The following HELLS variants were observed in gnomAD, a reference collection of about 807,000 sequenced individuals.
HELLS encodes lymphoid-specific helicase.
A neutral mutation model predicts 120.0 loss-of-function variants in HELLS; 32 were observed. The ratio of observed to expected loss-of-function variants is 0.27; its 90% CI spans 0.20 to 0.36. The LOEUF (loss-of-function observed/expected upper bound fraction) is 0.36. Ranked by LOEUF, HELLS falls within the 10% of genes least tolerant of loss-of-function variation. HELLS has a pLI of 1.00. For synonymous variants in HELLS, 341 were observed against 323.4 expected, an observed-to-expected ratio of 1.05 and a Z score of -0.58; for missense variants, 650 against 993.4, an observed-to-expected ratio of 0.65 and a Z score of 4.65.
intron 3 of HELLS, among the ~76,000 whole-genome samples, chr10:94,555,455 A>C (rs572585702): frequency 6.6e-6 from 1 of 152,278 alleles, no homozygotes; most frequent in Admixed American, 6.5e-5. Flanking sequence ...ATAAATAAAA[A>C]AAACCCCAAA....
At chr10:94,580,873 A>G (rs1554832875) in intron 10 of HELLS, among the ~76,000 whole-genome samples, 1 of 152,208 alleles carries the variant, frequency 6.6e-6, no homozygotes, top group Non-Finnish European at 1.5e-5. Context: ...ACTTTATGAA[A>G]GTGAGTGGGT....
At chr10:94,611,157 CT>C (rs1208348581) in exon 10 of HELLS, 1 of 152,118 alleles carries the variant, frequency 6.6e-6, no homozygotes, top group Non-Finnish European at 1.5e-5. Context: ...TTTTTGTACT[CT>C]TAGTTTTATA....
chr10:94,576,630 A>T, intron 9 of HELLS, 32 bp from the exon 10 acceptor site: 1 of 1,291,976 alleles, frequency 7.7e-7, no homozygotes. Context: ...TTTGTTCTTA[A>T]GTCTGATAAA....
chr10:94,586,343 G>A (rs888832205), intron 12 of HELLS, among the ~76,000 whole-genome samples: 2 of 152,028 alleles, frequency 1.3e-5, no homozygotes, highest in Non-Finnish European at 2.9e-5. Context: ...GGATGGTCTC[G>A]ATCTCCTGAC....
intron 8 of HELLS, among the ~76,000 whole-genome samples, chr10:94,607,733 T>C (rs1006172839): frequency 6.6e-6 from 1 of 152,118 alleles, no homozygotes; most frequent in African/African-American, 2.4e-5. Context: ...TTTTTTTGTC[T>C]TGTTTTTTTG....
At chr10:94,605,072 T>TCTC (rs1846113438), downstream of HELLS, among the ~76,000 whole-genome samples, 4 of 66,822 alleles carry the variant, frequency 6.0e-5, no homozygotes, top group African/African-American at 7.6e-5. Flanking sequence ...GTCTTGTGTC[T>TCTC]CCCCCCCCCC....
At chr10:94,581,241 T>A (rs1231817343) in intron 10 of HELLS, 85 bp from the exon 11 acceptor site, 3 of 746,762 alleles carry the variant, frequency 4.0e-6, no homozygotes, top group Non-Finnish European at 6.4e-6. Context: ...CCATCCCTCA[T>A]AATAGAGGTT....
chr10:94,550,333 C>T (rs2134272968), intron 2 of HELLS, among the ~76,000 whole-genome samples: 1 of 152,126 alleles, frequency 6.6e-6, no homozygotes, highest in African/African-American at 2.4e-5. Context: ...GGCTGGAGTG[C>T]AGTGGCGTGA....
chr10:94,581,469 A>G lies in HELLS; in HGVS notation c.1176A>G (p.Glu392=). ...CTCCCTTGCAAAACAATTTATCAGAACTTTGGTCATTGCTAAACTTTTTGT... is the reference window on the plus strand; with the variant it reads ...CTCCCTTGCAAAACAATTTATCAGAGCTTTGGTCATTGCTAAACTTTTTGT... ...TGTPLQNNLS[E]LWSLLNFLLP... The change falls in exon 11 of 22, where the codon GAA becomes GAG. Residue 392 remains glutamate, a synonymous_variant. Coordinates refer to ENST00000348459, the MANE Select transcript of HELLS (RefSeq NM_018063.5). 6.2e-7 allele frequency: 1 copy of G among 1,612,342 alleles called. No homozygotes were observed. Among genetic ancestry groups the G allele is most frequent in the Non-Finnish European group, 8.5e-7 (1 of 1,179,450 alleles).
At chr10:94,563,768 G>A (rs1355398026) in intron 6 of HELLS, among the ~76,000 whole-genome samples, 1 of 151,404 alleles carries the variant, frequency 6.6e-6, no homozygotes, top group Non-Finnish European at 1.5e-5. Context: ...GAGAGTACAA[G>A]TGTGAGCCAG....
At chr10:94,554,442 T>C (rs958073430) in intron 3 of HELLS, among the ~76,000 whole-genome samples, 194 bp downstream of exon 3, 3 of 152,150 alleles carry the variant, frequency 2.0e-5, no homozygotes, top group Non-Finnish European at 4.4e-5. Context: ...CTCCAAAAAA[T>C]TGTCTTGTGC....
Position 94,592,814 on chromosome 10 carries a change from T to C in HELLS, c.1971+300T>C, listed in dbSNP as rs576158486. ...TTGCCCTGTCCTCAACTTTCTATTA[T>C]GAAAATATCAACTATATGGCAAAGT... On this transcript the variant is annotated intron_variant, in intron 17 of 21. Transcript: ENST00000348459. Among the ~76,000 whole-genome samples the C allele has an allele frequency of 2.0e-4, 30 of 151,936 alleles. No individual in the cohort carries two copies. In the South Asian group the frequency reaches 6.0e-3, roughly 31 times the overall value.
At chr10:94,596,978 GATTTA>G in intron 20 of HELLS, 22 bp downstream of exon 20, 1 of 1,462,178 alleles carries the variant, frequency 6.8e-7, no homozygotes, top group South Asian at 1.2e-5. Context: ...ATTTTAGAAA[GATTTA>G]ATTTGTAGCT....
In HELLS at chr10:94,580,140, TATATATATATATATATATATATACAC is replaced by T. The variant is rs1261908175; in HGVS notation, c.1033-1184_1033-1159del. ...AAGTATATATATATATATATATATATATATATATATATATATATATATACACACACACACACACACACACATTTTTT... is the reference window on the plus strand; with the variant it reads ...AAGTATATATATATATATATATATATACACACACACACACACACATTTTTT... On this transcript the variant is annotated intron_variant, in intron 10 of 21. Coordinates refer to ENST00000348459, the MANE Select transcript of HELLS (RefSeq NM_018063.5). Among the ~76,000 whole-genome samples, 46 of 72,150 alleles carry T rather than the reference TATATATATATATATATATATATACAC, an allele frequency of 6.4e-4. 1 individual carries two copies. The highest frequency in any genetic ancestry group is 3.4e-3 in the African/African-American group (44 of 12,930). 47.3% of individuals were successfully genotyped at this position (72,150 alleles called of 152,430 possible).
intron 19 of HELLS, among the ~76,000 whole-genome samples, chr10:94,595,602 C>G (rs1195475585): frequency 2.6e-5 from 4 of 152,064 alleles, no homozygotes; most frequent in African/African-American, 9.6e-5. Context: ...TTATCATAAC[C>G]AGATGGGTCT....
chr10:94,591,544 G>A (rs1229925116), intron 15 of HELLS, among the ~76,000 whole-genome samples: 1 of 152,168 alleles, frequency 6.6e-6, no homozygotes, highest in East Asian at 1.9e-4. Flanking sequence ...AGGAGGTAAT[G>A]TTCTGTGCAC....
chr10:94,607,669 A>G (rs1271974097), intron 8 of HELLS, among the ~76,000 whole-genome samples: 2 of 152,188 alleles, frequency 1.3e-5, no homozygotes, highest in Non-Finnish European at 2.9e-5. Context: ...TCTTTCATCA[A>G]TGTCTTAGCA....
In HELLS at chr10:94,600,109, G is replaced by A. The variant is rs573728365; in HGVS notation, c.2423-1419G>A. ...AGTTAGAGACCAGCCTGGGCAACAC[G>A]GTGAAACCCTGTCTCTACTAAAATA... On this transcript the variant is annotated intron_variant, in intron 21 of 21. Coordinates refer to ENST00000348459, the MANE Select transcript of HELLS (RefSeq NM_018063.5). Among the ~76,000 whole-genome samples, 8 of 152,082 alleles carry A rather than the reference G, an allele frequency of 5.3e-5. No homozygotes were observed. The South Asian group carries it at 1.5e-3, about 28-fold the overall frequency.
chr10:94,580,061 A>G (rs1349079509), intron 10 of HELLS, among the ~76,000 whole-genome samples: 1 of 145,122 alleles, frequency 6.9e-6, no homozygotes, highest in Non-Finnish European at 1.5e-5. Context: ...TTTGGCTTTC[A>G]GATTCCTCAT....
Sources: gnomAD v4.1 joint callset for allele counts (sites outside exome capture counted in the v4.1 genomes callset) on GRCh38, gnomAD v4.1.1 for gene constraint, MANE v1.5 for transcripts, NCBI Gene and HGNC (gene_info 2026-07-23, HGNC 2026-07-21) for gene names.